The following PDXDC1 variants were observed in gnomAD, a reference collection of about 807,000 sequenced individuals.
PDXDC1 encodes pyridoxal-dependent decarboxylase domain-containing protein 1.
A neutral mutation model predicts 100.1 loss-of-function variants in PDXDC1; 42 were observed. The observed-to-expected ratio is 0.42, with a 90% CI of 0.33 to 0.54. The LOEUF is 0.54. Ranked by LOEUF, PDXDC1 falls within the 20% of genes least tolerant of loss-of-function variation. PDXDC1 has a pLI of 0.10. For synonymous variants in PDXDC1, 260 were observed against 371.7 expected (o/e 0.70, Z 3.46); for missense variants, 636 against 979.2 (o/e 0.65, Z 4.68).
intron 19 of PDXDC1, 161 bp from the exon 20 acceptor site, chr16:15,034,125 T>C: frequency 1.6e-6 from 1 of 629,024 alleles, no homozygotes. Context: ...ATGAGCATGT[T>C]ATCTGCTTGT....
intron 18 of PDXDC1, 84 bp downstream of exon 18, chr16:15,033,063 C>T (rs183894421): frequency 4.0e-5 from 40 of 1,010,788 alleles, no homozygotes; most frequent in African/African-American, 3.0e-4. Flanking sequence ...CATCCCTTAG[C>T]GGGCTAGCGC....
At chr16:15,080,157 A>G in intron 16 of PDXDC1, 1 of 1,518,890 alleles carries the variant, frequency 6.6e-7, no homozygotes, top group Non-Finnish European at 8.8e-7. Flanking sequence ...ACAGTTATGT[A>G]AGCAAAACAT....
At chr16:14,983,838 A>G (rs1968589209) in intron 1 of PDXDC1, among the ~76,000 whole-genome samples, 1 of 152,378 alleles carries the variant, frequency 6.6e-6, no homozygotes, top group South Asian at 2.1e-4. Flanking sequence ...TGGAAGTTGT[A>G]TATAGTGATA....
chr16:14,990,785 G>A (rs1311486718), intron 1 of PDXDC1, among the ~76,000 whole-genome samples: 1 of 152,276 alleles, frequency 6.6e-6, no homozygotes, highest in Non-Finnish European at 1.5e-5. Context: ...CTGGCGCCAA[G>A]GCTGAAGTGC....
chr16:15,039,631 CCT>C (rs1394170493), downstream of PDXDC1, among the ~76,000 whole-genome samples: 10 of 152,148 alleles, frequency 6.6e-5, no homozygotes, highest in African/African-American at 2.4e-4. Context: ...AGGGGAGAAA[CCT>C]CTCTCCTGCG....
At chr16:15,112,268 A>C (rs1017865434) in intron 16 of PDXDC1, among the ~76,000 whole-genome samples, 18 of 148,576 alleles carry the variant, frequency 1.2e-4, no homozygotes, top group Non-Finnish European at 2.4e-4. Context: ...AACCATGCTG[A>C]AGTGCAGTGG....
At chr16:14,988,743 G>A in intron 1 of PDXDC1, 3 of 1,613,798 alleles carry the variant, frequency 1.9e-6, no homozygotes, top group Non-Finnish European at 2.5e-6. Context: ...CAGCACGTCG[G>A]GGTCGGCCTG....
intron 16 of PDXDC1, among the ~76,000 whole-genome samples, chr16:15,087,197 A>C (rs1032941315): frequency 6.6e-6 from 1 of 152,200 alleles, no homozygotes; most frequent in Non-Finnish European, 1.5e-5. Context: ...CATATAAATA[A>C]AAGCAACACA....
chr16:15,076,980 CTTT>C (rs11419800), intron 16 of PDXDC1, among the ~76,000 whole-genome samples: 1 of 143,908 alleles, frequency 6.9e-6, no homozygotes. Context: ...ACCCAAATCA[CTTT>C]TTTTTTTTTT....
chr16:14,984,571 C>T (rs1229484178), intron 1 of PDXDC1, among the ~76,000 whole-genome samples: 1 of 149,346 alleles, frequency 6.7e-6, no homozygotes, highest in Non-Finnish European at 1.5e-5. Flanking sequence ...CATCTCGGTT[C>T]ACTGCAACCT....
intron 16 of PDXDC1, among the ~76,000 whole-genome samples, chr16:15,122,434 T>C (rs1282047360): frequency 1.4e-5 from 2 of 144,648 alleles, no homozygotes; most frequent in African/African-American, 5.2e-5. Context: ...TGGCTAGTCT[T>C]CAACTCCTGG....
chr16:15,027,236 G>A (rs570763711), intron 14 of PDXDC1, among the ~76,000 whole-genome samples: 3 of 152,412 alleles, frequency 2.0e-5, no homozygotes, highest in South Asian at 2.1e-4. Flanking sequence ...TGTCCCCCTC[G>A]CAGGGCATGT....
rs1484165981 is a variant in PDXDC1 at position 14,989,396 on chromosome 16, G to A, written c.22-8357G>A. 6 of 1,609,466 alleles carry A rather than the reference G, an allele frequency of 3.7e-6. No individual in the cohort carries two copies. The Admixed American group carries it at 1.0e-4, about 28-fold the overall frequency. ...CCACCACCAGGTGCACCAACCCAGT[G>A]GGCGTAGGCGGGGACCGGCCTGAGT... On this transcript the variant is annotated intron_variant, in intron 1 of 22. Coordinates refer to ENST00000396410, the MANE Select transcript of PDXDC1 (RefSeq NM_015027.4).
Position 15,115,030 on chromosome 16 carries a change from G to T in PDXDC1, c.1400-23849G>T, listed in dbSNP as rs533785911. On this transcript the variant is annotated intron_variant, in intron 16 of 16. Coordinates refer to the PDXDC1 transcript ENST00000535621. ...GGCTCGCTACAACCTCCAGCTCCTGGGCTCAAGCCATTCTCCTGCCTCAGC... is the reference window on the plus strand; with the variant it reads ...GGCTCGCTACAACCTCCAGCTCCTGTGCTCAAGCCATTCTCCTGCCTCAGC... 2.4e-3 allele frequency among the ~76,000 whole-genome samples: 354 copies of T among 149,200 alleles called. 3 individuals carry two copies. Among genetic ancestry groups the T allele is most frequent in the African/African-American group, 8.4e-3 (342 of 40,570 alleles).
At position 15,036,284 on chromosome 16, in the gene PDXDC1, G is replaced by T. The variant is rs769970882; in HGVS notation, c.*9G>T. 1 of 1,611,880 alleles carries T rather than the reference G, an allele frequency of 6.2e-7. No individual in the cohort carries two copies. The highest frequency in any genetic ancestry group is 8.5e-7 in the Non-Finnish European group (1 of 1,178,412). On this transcript the variant is annotated 3_prime_UTR_variant, in exon 23 of 23. Transcript: ENST00000396410. The stretch of plus-strand genomic sequence containing the variant: ...CGGAGAGCTTAAGATGAGACTCATT[G>T]TGTGGTTTGAGACTGTACTGAGTAT...
rs1006440059 is a variant in PDXDC1, at chr16:15,106,442, C to T, written c.1400-32437C>T. 4.7e-5 allele frequency: 38 copies of T among 815,676 alleles called. 2 individuals carry two copies. The highest frequency in any genetic ancestry group is 6.8e-5 in the African/African-American group (4 of 58,788). 50.5% of individuals were successfully genotyped at this position (815,676 alleles called of 1,614,324 possible). A position where few individuals can be genotyped will look rare whatever the true frequency, so the allele number is the denominator to read the frequency against. On this transcript the variant is annotated intron_variant, in intron 16 of 16. Coordinates refer to the PDXDC1 transcript ENST00000535621. ...ACACAATCTATCTCTACCTAGAAAACGTATTTCAGATGGCTGTAAGAGTAC... is the reference window on the plus strand; with the variant it reads ...ACACAATCTATCTCTACCTAGAAAATGTATTTCAGATGGCTGTAAGAGTAC...
chr16:15,039,225 C>G (rs1222316317), downstream of PDXDC1, among the ~76,000 whole-genome samples: 1 of 152,214 alleles, frequency 6.6e-6, no homozygotes. Context: ...GTAACTGACA[C>G]TGAAATATGT....
Position 15,035,450 on chromosome 16 carries a change from C to A in PDXDC1, c.2004C>A (p.Gly668=), listed in dbSNP as rs773225601. ...QKGRTFNLTA[G]SLESTEPIYV... The stretch of plus-strand genomic sequence containing the variant: ...ACCCAGCCCTCTCCTCTCCCGCAGG[C>A]TCTCTGGAGTCCACAGAACCCATAT... Residue 668 remains glycine (G), a splice_region_variant and synonymous_variant, in exon 22 of 23, where the codon GGC becomes GGA. Coordinates refer to ENST00000396410, the MANE Select transcript of PDXDC1 (RefSeq NM_015027.4). 1 of 1,598,324 alleles carries A rather than the reference C, an allele frequency of 6.3e-7. No homozygotes were observed. Among genetic ancestry groups the A allele is most frequent in the East Asian group, 2.3e-5 (1 of 44,158 alleles).
chr16:15,061,810 A>G (rs371499562), intron 16 of PDXDC1: 132 of 1,614,076 alleles, frequency 8.2e-5, no homozygotes, highest in Non-Finnish European at 1.1e-4. Context: ...GACTTCGGAA[A>G]TGCGTGTCAA....
Sources: allele counts gnomAD v4.1 joint callset (sites outside exome capture counted in the v4.1 genomes callset), GRCh38; gene constraint gnomAD v4.1.1; transcripts MANE v1.5; gene names NCBI Gene and HGNC (gene_info 2026-07-23, HGNC 2026-07-21).